The following KCNQ5 variants were observed in gnomAD, a reference collection of about 807,000 sequenced individuals.
KCNQ5 encodes potassium voltage-gated channel subfamily Q member 5.
A neutral mutation model predicts 98.2 loss-of-function variants in KCNQ5; 30 were observed. That is an observed-to-expected ratio of 0.31 (90% confidence interval 0.23 to 0.41). KCNQ5 has a LOEUF of 0.41. KCNQ5 is among the 10% of genes least tolerant of loss of function. The pLI, the probability that KCNQ5 is intolerant of heterozygous loss-of-function variation, is 1.00. For missense variants in KCNQ5, 835 were observed against 1,182.5 expected, an observed-to-expected ratio of 0.71 and a Z score of 4.31; for synonymous variants, 458 against 449.4, an observed-to-expected ratio of 1.02 and a Z score of -0.24.
Position 72,779,352 on chromosome 6 carries a change from G to A in KCNQ5, c.398+156765G>A, listed in dbSNP as rs77488083. Reference sequence around the variant, plus strand: ...GATATTTCTTTTTCAGGCCCAGAAAGGAAGGAAGCAAGCCATCATAAATGA... The same window carrying A: ...GATATTTCTTTTTCAGGCCCAGAAAAGAAGGAAGCAAGCCATCATAAATGA... On this transcript the variant is annotated intron_variant, in intron 1 of 13. Transcript: ENST00000370398. Among the ~76,000 whole-genome samples, 270 of 152,304 alleles carry A rather than the reference G, an allele frequency of 1.8e-3. 1 individual carries two copies. The highest frequency in any genetic ancestry group is 6.4e-3 in the African/African-American group (266 of 41,570).
Position 72,711,311 on chromosome 6 carries a change from G to A in KCNQ5, c.398+88724G>A, listed in dbSNP as rs1231302645. On this transcript the variant is annotated intron_variant, in intron 1 of 13. Transcript: ENST00000370398. ...CCAACACCATGATCTTGGACTCCCA[G>A]CCTTCAGAAATGTGAGAAATTAAAT... Among the ~76,000 whole-genome samples, 5 of 152,210 alleles carry A rather than the reference G, an allele frequency of 3.3e-5. No homozygotes were observed. The East Asian group carries it at 9.7e-4, about 29-fold the overall frequency.
At position 73,195,449 on chromosome 6, in the gene KCNQ5, T is replaced by C; in HGVS notation, c.*35T>C. 1.9e-6 allele frequency: 3 copies of C among 1,594,768 alleles called. No homozygotes were observed. Among genetic ancestry groups the C allele is most frequent in the Non-Finnish European group, 1.7e-6 (2 of 1,169,712 alleles). On this transcript the variant is annotated 3_prime_UTR_variant, in exon 14 of 14. Transcript: ENST00000370398. ...TTTCTTTCCAGGCATAGCAGTTCTT[T>C]AGCCATACATATCATTGCATGAACT...
At chr6:73,030,795 C>T (rs1354337580) in intron 2 of KCNQ5, among the ~76,000 whole-genome samples, 1 of 152,180 alleles carries the variant, frequency 6.6e-6, no homozygotes, top group Non-Finnish European at 1.5e-5. Flanking sequence ...CACTACCCTG[C>T]CAATACCCTT....
intron 1 of KCNQ5, among the ~76,000 whole-genome samples, chr6:72,720,177 G>C (rs1377461054): frequency 6.6e-6 from 1 of 152,150 alleles, no homozygotes; most frequent in Non-Finnish European, 1.5e-5. Context: ...ACTTTTTGTA[G>C]TTTTAGTATC....
rs1765719513 is a variant in KCNQ5 at position 73,194,742 on chromosome 6, G to A, written c.2127G>A (p.Met709Ile). The A allele has an allele frequency of 3.1e-6, 5 of 1,614,096 alleles. No individual in the cohort carries two copies. In the East Asian group the frequency reaches 1.1e-4, roughly 36 times the overall value. ...AQTFYALSPT[M>I]HSQATQVPIS... ...CTTTCTACGCGCTTAGCCCTACTAT[G>A]CACAGTCAAGCAACACAGGTGCCAA... Residue 709 changes from methionine to isoleucine, a missense_variant, in exon 14 of 14, where the codon ATG (methionine) becomes ATA (isoleucine). Transcript: ENST00000370398.
chr6:73,015,794 G>A (rs527242736), intron 2 of KCNQ5, among the ~76,000 whole-genome samples: 3 of 152,220 alleles, frequency 2.0e-5, no homozygotes, highest in East Asian at 1.9e-4. Flanking sequence ...TTTGTCAGTA[G>A]AAGGAAAAAC....
At chr6:73,029,970 A>G (rs187501058) in intron 2 of KCNQ5, among the ~76,000 whole-genome samples, 2 of 149,560 alleles carry the variant, frequency 1.3e-5, no homozygotes, top group Admixed American at 1.3e-4. Context: ...AATGATTTTG[A>G]TGGATGACTG....
chr6:73,179,711 C>T (rs990209227), intron 11 of KCNQ5, among the ~76,000 whole-genome samples: 1 of 152,096 alleles, frequency 6.6e-6, no homozygotes, highest in Admixed American at 6.5e-5. Flanking sequence ...TTAATAATAT[C>T]CCCATAAATG....
chr6:72,978,568 C>G (rs1015304470), intron 1 of KCNQ5, among the ~76,000 whole-genome samples: 3 of 152,192 alleles, frequency 2.0e-5, no homozygotes, highest in Non-Finnish European at 4.4e-5. Context: ...AGAATCTGGA[C>G]TTTCCCATTC....
At chr6:72,730,722 G>A (rs1163938159) in intron 1 of KCNQ5, among the ~76,000 whole-genome samples, 1 of 151,748 alleles carries the variant, frequency 6.6e-6, no homozygotes, top group Non-Finnish European at 1.5e-5. Flanking sequence ...GAGGCTTTAT[G>A]GTGTTTTATG....
intron 1 of KCNQ5, among the ~76,000 whole-genome samples, chr6:72,720,628 A>G (rs1260217899): frequency 6.6e-6 from 1 of 152,250 alleles, no homozygotes; most frequent in Non-Finnish European, 1.5e-5. Flanking sequence ...TGAGGAATCC[A>G]TGCTATCATC....
intron 1 of KCNQ5, among the ~76,000 whole-genome samples, chr6:72,642,118 C>T (rs1330212454): frequency 6.7e-6 from 1 of 149,722 alleles, no homozygotes; most frequent in African/African-American, 2.5e-5. Flanking sequence ...ATGGCTATTG[C>T]TATTTGTCCT....
chr6:72,879,475 C>A (rs1482997450), intron 1 of KCNQ5, among the ~76,000 whole-genome samples: 1 of 151,940 alleles, frequency 6.6e-6, no homozygotes, highest in East Asian at 1.9e-4. Flanking sequence ...GTGTCTTTTT[C>A]TTTTCCTAAA....
chr6:73,020,703 G>A (rs1472526222), intron 2 of KCNQ5, among the ~76,000 whole-genome samples: 1 of 152,042 alleles, frequency 6.6e-6, no homozygotes, highest in South Asian at 2.1e-4. Flanking sequence ...CTGCCTAGGG[G>A]TTTCCAGCTA....
At chr6:72,669,667 G>A (rs554408474) in intron 1 of KCNQ5, among the ~76,000 whole-genome samples, 4 of 152,268 alleles carry the variant, frequency 2.6e-5, no homozygotes, top group African/African-American at 9.6e-5. Flanking sequence ...CATAGACAAA[G>A]AGCTCTATGG....
At chr6:72,931,887 A>G (rs1214763453) in intron 1 of KCNQ5, among the ~76,000 whole-genome samples, 1 of 152,188 alleles carries the variant, frequency 6.6e-6, no homozygotes, top group Non-Finnish European at 1.5e-5. Context: ...TGAGGGAGGA[A>G]TACTGGACTG....
rs58607159 is a variant in KCNQ5 at position 73,025,623 on chromosome 6, C to CAA, written c.490-16278_490-16277dup. ...GGGCGACAAGAGCAAAACTCCATCTCAAAAAAAAAAAAAAAAAAAAAAAAA... is the reference window on the plus strand; with the variant it reads ...GGGCGACAAGAGCAAAACTCCATCTCAAAAAAAAAAAAAAAAAAAAAAAAAAA... On this transcript the variant is annotated intron_variant, in intron 2 of 13. Coordinates refer to ENST00000370398, the MANE Select transcript of KCNQ5 (RefSeq NM_019842.4). Among the ~76,000 whole-genome samples the CAA allele has an allele frequency of 1.0e-3, 55 of 52,998 alleles. 1 individual carries two copies. The highest frequency in any genetic ancestry group is 1.9e-3 in the African/African-American group (47 of 24,164). The allele number at this position is 52,998 out of a possible 152,430, so 34.8% of individuals were successfully genotyped here.
chr6:73,034,431 T>C (rs531037792), intron 2 of KCNQ5, among the ~76,000 whole-genome samples: 4 of 152,214 alleles, frequency 2.6e-5, no homozygotes, highest in South Asian at 2.1e-4. Flanking sequence ...ATGTCGGCAT[T>C]TCATCTTCAC....
At chr6:72,640,214 A>C (rs2098926435) in intron 1 of KCNQ5, among the ~76,000 whole-genome samples, 1 of 152,080 alleles carries the variant, frequency 6.6e-6, no homozygotes, top group African/African-American at 2.4e-5. Flanking sequence ...TAGAAGTCAC[A>C]CACACTGAAC....
Sources: allele counts gnomAD v4.1 joint callset (sites outside exome capture counted in the v4.1 genomes callset), GRCh38; gene constraint gnomAD v4.1.1; transcripts MANE v1.5; gene names NCBI Gene and HGNC (gene_info 2026-07-23, HGNC 2026-07-21).